Variants in TCF4 observed in about 807,000 individuals in gnomAD.
TCF4 encodes SL3-3 enhancer factor 2.
TCF4 carries 3 observed loss-of-function variants against 82.1 expected under a neutral mutation model. That is an observed-to-expected ratio of 0.04 (90% CI 0.02 to 0.09). The LOEUF (loss-of-function observed/expected upper bound fraction) is 0.09. Ranked by LOEUF, TCF4 falls within the 10% of genes least tolerant of loss-of-function variation. The pLI is 1.00. For synonymous variants in TCF4, 276 were observed against 309.6 expected (o/e 0.89, Z 1.14); for missense variants, 518 against 852.7 (o/e 0.61, Z 4.89).
intron 8 of TCF4, among the ~76,000 whole-genome samples, chr18:55,340,254 C>G (rs2079573482): frequency 6.6e-6 from 1 of 152,168 alleles, no homozygotes; most frequent in Non-Finnish European, 1.5e-5. Flanking sequence ...CAGCTCCGGG[C>G]ATCACAGCCG....
chr18:55,622,604 G>A (rs192193819), intron 2 of TCF4, among the ~76,000 whole-genome samples: 256 of 151,472 alleles, frequency 1.7e-3, no homozygotes, highest in Admixed American at 3.6e-3. Flanking sequence ...CATGCACTTA[G>A]TGACTATCTT....
At chr18:55,246,670 A>G (rs1411495822) in intron 15 of TCF4, among the ~76,000 whole-genome samples, 1 of 152,008 alleles carries the variant, frequency 6.6e-6, no homozygotes, top group African/African-American at 2.4e-5. Context: ...TCACTCATCC[A>G]TGGCTAAAAG....
chr18:55,505,099 T>C (rs1056598085), intron 3 of TCF4, among the ~76,000 whole-genome samples: 2 of 152,156 alleles, frequency 1.3e-5, no homozygotes, highest in Non-Finnish European at 2.9e-5. Context: ...CACCTCACCA[T>C]TCCCTAGGAG....
chr18:55,324,776 A>G (rs187062752), intron 8 of TCF4, among the ~76,000 whole-genome samples: 66 of 152,232 alleles, frequency 4.3e-4, no homozygotes, highest in Non-Finnish European at 1.8e-4. Flanking sequence ...TCTGGTGCTT[A>G]GACAAAGCAC....
At chr18:55,247,932 G>C (rs1600057810) in intron 15 of TCF4, among the ~76,000 whole-genome samples, 2 of 152,300 alleles carry the variant, frequency 1.3e-5, no homozygotes, top group Middle Eastern at 6.8e-3. Flanking sequence ...TGATGAAAAT[G>C]GACTTTGTGG....
At chr18:55,596,194 C>T (rs962441013) in intron 2 of TCF4, 3 of 391,578 alleles carry the variant, frequency 7.7e-6, no homozygotes, top group Non-Finnish European at 1.5e-5. Flanking sequence ...GGTGCCACTG[C>T]ACTCCGGTCT....
chr18:55,277,354 A>T (rs1409378496), intron 9 of TCF4, among the ~76,000 whole-genome samples: 1 of 152,222 alleles, frequency 6.6e-6, no homozygotes, highest in East Asian at 1.9e-4. Context: ...AAATAAATTG[A>T]AAACATATAT....
chr18:55,344,549 G>T (rs1013128150), intron 8 of TCF4, among the ~76,000 whole-genome samples: 1 of 152,094 alleles, frequency 6.6e-6, no homozygotes, highest in Non-Finnish European at 1.5e-5. Context: ...GCAGTTCCCA[G>T]AAATGTATTT....
At chr18:55,518,278 G>A (rs1603618499) in intron 3 of TCF4, among the ~76,000 whole-genome samples, 2 of 152,188 alleles carry the variant, frequency 1.3e-5, no homozygotes, top group East Asian at 1.9e-4. Context: ...GTACAGTTAA[G>A]TAGAGCAAAT....
chr18:55,598,462 T>C (rs1209999649), intron 2 of TCF4, among the ~76,000 whole-genome samples: 2 of 152,252 alleles, frequency 1.3e-5, no homozygotes, highest in Non-Finnish European at 2.9e-5. Flanking sequence ...TAGGTATACA[T>C]GTGCCATTGG....
intron 6 of TCF4, among the ~76,000 whole-genome samples, chr18:55,359,072 A>T (rs2145109704): frequency 6.6e-6 from 1 of 152,326 alleles, no homozygotes; most frequent in Middle Eastern, 3.4e-3. Context: ...TATATAAGTC[A>T]TGCATAGATA....
chr18:55,408,256 T>C (rs1318783496), intron 5 of TCF4, among the ~76,000 whole-genome samples: 1 of 152,158 alleles, frequency 6.6e-6, no homozygotes, highest in East Asian at 1.9e-4. Flanking sequence ...GATGAAAAAT[T>C]ATCTGATGCT....
chr18:55,550,552 T>C (rs2097251719), intron 3 of TCF4: 1 of 152,208 alleles, frequency 6.6e-6, no homozygotes, highest in Non-Finnish European at 1.5e-5. Context: ...AAAATTACAC[T>C]GGCCAGAAAT....
intron 17 of TCF4, 129 bp downstream of exon 17, chr18:55,232,380 G>A (rs1269781494): frequency 1.0e-6 from 1 of 952,458 alleles, no homozygotes; most frequent in Non-Finnish European, 1.6e-6. Flanking sequence ...TCTAGAGTAG[G>A]CCTTTAATTT....
intron 8 of TCF4, 143 bp downstream of exon 8, chr18:55,350,216 T>A (rs1259189504): frequency 2.5e-6 from 2 of 809,562 alleles, no homozygotes; most frequent in Non-Finnish European, 4.2e-6. Flanking sequence ...TGGCTGGATG[T>A]GCAGGTCATT....
chr18:55,373,538 T>C (rs2064074977), intron 6 of TCF4, among the ~76,000 whole-genome samples: 1 of 151,992 alleles, frequency 6.6e-6, no homozygotes, highest in Non-Finnish European at 1.5e-5. Context: ...ATAGGCCGGG[T>C]GCAGTGGCTC....
At chr18:55,603,894 G>A (rs2097699762) in intron 2 of TCF4, among the ~76,000 whole-genome samples, 1 of 152,128 alleles carries the variant, frequency 6.6e-6, no homozygotes, top group Admixed American at 6.5e-5. Flanking sequence ...GCTCTGGGTT[G>A]AATAGCTCTA....
intron 3 of TCF4, among the ~76,000 whole-genome samples, chr18:55,483,736 G>A (rs957762902): frequency 2.6e-5 from 4 of 152,246 alleles, no homozygotes; most frequent in South Asian, 2.1e-4. Context: ...TCTGTGATCA[G>A]GTGATAGCAA....
At chr18:55,598,095 C>T (rs891112841) in intron 2 of TCF4, among the ~76,000 whole-genome samples, 1 of 152,134 alleles carries the variant, frequency 6.6e-6, no homozygotes, top group African/African-American at 2.4e-5. Context: ...AGAGAGTTAT[C>T]AAGTGGTAAA....
Sources: allele counts gnomAD v4.1 joint callset (sites outside exome capture counted in the v4.1 genomes callset), GRCh38; gene constraint gnomAD v4.1.1; transcripts MANE v1.5; gene names NCBI Gene and HGNC (gene_info 2026-07-23, HGNC 2026-07-21).